CARMIL1: variants seen among roughly 807,000 people sequenced by gnomAD.
CARMIL1 encodes F-actin-uncapping protein LRRC16A.
In CARMIL1, 90 loss-of-function variants were observed where a neutral mutation model predicts 177.1. That is an observed-to-expected ratio of 0.51 (90% confidence interval 0.43 to 0.61). The LOEUF (loss-of-function observed/expected upper bound fraction) is 0.61. Ranked by LOEUF, CARMIL1 falls within the 20% of genes least tolerant of loss-of-function variation. The pLI is 0.00. For missense variants in CARMIL1, 1,380 were observed against 1,667.0 expected (o/e 0.83, Z 3.00); for synonymous variants, 577 against 606.2 (o/e 0.95, Z 0.71).
At chr6:25,322,230 C>A (rs1014439369) in intron 2 of CARMIL1, among the ~76,000 whole-genome samples, 1 of 152,196 alleles carries the variant, frequency 6.6e-6, no homozygotes, top group Non-Finnish European at 1.5e-5. Context: ...TCAAACAATT[C>A]TTGTGCCTCA....
chr6:25,422,860 G>A (rs6927530), intron 3 of CARMIL1, among the ~76,000 whole-genome samples: 11,540 of 152,050 alleles, frequency 0.076, 524 homozygotes, highest in African/African-American at 0.13. Context: ...ACTTTATTCT[G>A]CCCCCTCCTT....
chr6:25,606,794 G>A lies in CARMIL1; in HGVS notation c.3847+521G>A, dbSNP rs368346384. Reference sequence around the variant, plus strand: ...GTGGACACAGCCATACTATTTTTGCGTTGGTGTCACCTGTGGCTGTGGCTG... The same window carrying A: ...GTGGACACAGCCATACTATTTTTGCATTGGTGTCACCTGTGGCTGTGGCTG... On this transcript the variant is annotated intron_variant, in intron 35 of 36. Coordinates refer to ENST00000329474, the MANE Select transcript of CARMIL1 (RefSeq NM_017640.6). Among the ~76,000 whole-genome samples the A allele has an allele frequency of 5.9e-5, 9 of 152,256 alleles. 1 individual carries two copies. The East Asian group carries it at 7.7e-4, about 13-fold the overall frequency.
intron 29 of CARMIL1, among the ~76,000 whole-genome samples, chr6:25,560,368 A>C (rs992028548): frequency 6.6e-6 from 1 of 152,074 alleles, no homozygotes; most frequent in Admixed American, 6.5e-5. Flanking sequence ...AATCACCTGC[A>C]CTGTTTTACA....
chr6:25,607,914 T>C (rs745357117), intron 35 of CARMIL1, among the ~76,000 whole-genome samples: 2 of 152,204 alleles, frequency 1.3e-5, no homozygotes, highest in Non-Finnish European at 2.9e-5. Flanking sequence ...ACTTCCTAAT[T>C]CTACTCAAAC....
In CARMIL1 at chr6:25,416,542, C is replaced by T. The variant is rs146447969; in HGVS notation, c.139-3572C>T. Reference sequence around the variant, plus strand: ...GAACAGTGTACTCAACAGGTACTGGCAATTATTACTATGTTTGTGAAAGGA... The same window carrying T: ...GAACAGTGTACTCAACAGGTACTGGTAATTATTACTATGTTTGTGAAAGGA... On this transcript the variant is annotated intron_variant, in intron 2 of 36. Coordinates refer to ENST00000329474, the MANE Select transcript of CARMIL1 (RefSeq NM_017640.6). 3.2e-3 allele frequency among the ~76,000 whole-genome samples: 484 copies of T among 152,272 alleles called. 5 individuals carry two copies. The highest frequency in any genetic ancestry group is 0.024 in the Middle Eastern group (7 of 294).
At chr6:25,349,012 G>C (rs933311780) in intron 2 of CARMIL1, among the ~76,000 whole-genome samples, 4 of 152,158 alleles carry the variant, frequency 2.6e-5, no homozygotes, top group Non-Finnish European at 5.9e-5. Context: ...TATGATTATT[G>C]TCTACTTGGT....
intron 23 of CARMIL1, among the ~76,000 whole-genome samples, chr6:25,527,953 A>G (rs1807327673): frequency 6.6e-6 from 1 of 152,170 alleles, no homozygotes; most frequent in Non-Finnish European, 1.5e-5. Context: ...AACAAACAAA[A>G]CCAACAAATT....
At chr6:25,504,432 T>G (rs1381529441) in intron 17 of CARMIL1, among the ~76,000 whole-genome samples, 1 of 152,122 alleles carries the variant, frequency 6.6e-6, no homozygotes, top group Non-Finnish European at 1.5e-5. Flanking sequence ...TCACACTCAT[T>G]AATTTGAATG....
At chr6:25,295,600 C>T (rs1390734053) in intron 2 of CARMIL1, among the ~76,000 whole-genome samples, 1 of 152,160 alleles carries the variant, frequency 6.6e-6, no homozygotes, top group Non-Finnish European at 1.5e-5. Flanking sequence ...CAAGAGTCTA[C>T]TTGGCAGAAT....
intron 17 of CARMIL1, among the ~76,000 whole-genome samples, chr6:25,508,807 C>T (rs1805184929): frequency 6.6e-6 from 1 of 152,132 alleles, no homozygotes; most frequent in South Asian, 2.1e-4. Flanking sequence ...GCAAAAGGGC[C>T]ACAGCTTAGG....
chr6:25,301,420 GT>G (rs1286279524), intron 2 of CARMIL1, among the ~76,000 whole-genome samples: 6 of 152,168 alleles, frequency 3.9e-5, no homozygotes, highest in Non-Finnish European at 8.8e-5. Flanking sequence ...TGCACAGTAT[GT>G]TTTAGTTTTC....
intron 4 of CARMIL1, among the ~76,000 whole-genome samples, chr6:25,427,714 A>G (rs1000941395): frequency 2.6e-5 from 4 of 152,160 alleles, no homozygotes; most frequent in African/African-American, 9.7e-5. Context: ...ATCCTCCCCA[A>G]CACTGGTATA....
chr6:25,443,192 G>T (rs966220303), intron 5 of CARMIL1, among the ~76,000 whole-genome samples: 1 of 152,318 alleles, frequency 6.6e-6, no homozygotes, highest in African/African-American at 2.4e-5. Flanking sequence ...AATAATGGCT[G>T]TGCCTACTTC....
At chr6:25,283,218 C>G (rs1781273765) in intron 1 of CARMIL1, among the ~76,000 whole-genome samples, 1 of 152,096 alleles carries the variant, frequency 6.6e-6, no homozygotes, top group East Asian at 1.9e-4. Context: ...GAATGGCATG[C>G]CATGAGTTTT....
intron 5 of CARMIL1, among the ~76,000 whole-genome samples, chr6:25,438,054 C>T (rs1471551383): frequency 6.6e-6 from 1 of 152,162 alleles, no homozygotes; most frequent in Non-Finnish European, 1.5e-5. Flanking sequence ...ACACAGAATA[C>T]CACTGTTTTC....
At chr6:25,380,860 CCTT>C (rs2307664) in intron 2 of CARMIL1, among the ~76,000 whole-genome samples, 23,057 of 152,018 alleles carry the variant, frequency 0.15, 1,900 homozygotes, top group African/African-American at 0.16. Context: ...TGGACTCATG[CCTT>C]GGACCACATG....
At chr6:25,284,997 C>T (rs1781425036) in intron 2 of CARMIL1, 88 bp downstream of exon 2, 1 of 796,730 alleles carries the variant, frequency 1.3e-6, no homozygotes, top group Non-Finnish European at 2.1e-6. Context: ...TGCAGCATTA[C>T]TTCTGTGTTT....
At chr6:25,290,369 CTTTTTTTTTTTTT>C (rs910242856) in intron 2 of CARMIL1, among the ~76,000 whole-genome samples, 1 of 95,362 alleles carries the variant, frequency 1.0e-5, no homozygotes, top group Non-Finnish European at 2.2e-5. Context: ...TGCTGGGATT[CTTTTTTTTTTTTT>C]TTTTTTTTTT....
chr6:25,587,651 A>C (rs188612000), intron 31 of CARMIL1, among the ~76,000 whole-genome samples: 1 of 152,300 alleles, frequency 6.6e-6, no homozygotes, highest in East Asian at 1.9e-4. Flanking sequence ...AAGAGAAAAA[A>C]ATTCCTGGAA....
Sources: gnomAD v4.1 joint callset for allele counts (sites outside exome capture counted in the v4.1 genomes callset) on GRCh38, gnomAD v4.1.1 for gene constraint, MANE v1.5 for transcripts, NCBI Gene and HGNC (gene_info 2026-07-23, HGNC 2026-07-21) for gene names.